HTRA1: variants seen among roughly 807,000 people sequenced by gnomAD.
HTRA1 encodes the protein HtrA serine peptidase 1.
A neutral mutation model predicts 49.7 loss-of-function variants in HTRA1; 26 were observed. That is an observed-to-expected ratio of 0.52 (90% confidence interval 0.38 to 0.73). HTRA1 has a LOEUF of 0.73. Ranked by LOEUF, HTRA1 falls within the 30% of genes least tolerant of loss-of-function variation. The pLI is 0.00. For missense variants in HTRA1, 561 were observed against 667.2 expected (o/e 0.84, Z 1.75); for synonymous variants, 291 against 286.9 (o/e 1.01, Z -0.14).
chr10:122,505,362 T>C (rs2250804), intron 3 of HTRA1, among the ~76,000 whole-genome samples: 42,722 of 152,112 alleles, frequency 0.28, 6,858 homozygotes, highest in Admixed American at 0.4. Flanking sequence ...CTTTCTCCCT[T>C]CGTGAGCTTT....
intron 3 of HTRA1, among the ~76,000 whole-genome samples, chr10:122,499,447 G>A (rs924448817): frequency 6.6e-6 from 1 of 152,240 alleles, no homozygotes; most frequent in Non-Finnish European, 1.5e-5. Context: ...CAAGGAGCCT[G>A]CATTTTTATT....
chr10:122,499,131 G>C (rs73369651), intron 3 of HTRA1, among the ~76,000 whole-genome samples: 1,789 of 152,226 alleles, frequency 0.012, 34 homozygotes, highest in African/African-American at 0.041. Context: ...TAATGCACCC[G>C]ACACAGAAGC....
At chr10:122,502,716 C>T (rs868444922) in intron 3 of HTRA1, among the ~76,000 whole-genome samples, 2 of 152,186 alleles carry the variant, frequency 1.3e-5, no homozygotes, top group Admixed American at 6.5e-5. Flanking sequence ...GAGAACTGGC[C>T]TGTGCTGGGC....
chr10:122,473,187 G>A (rs1487952822), intron 1 of HTRA1, among the ~76,000 whole-genome samples: 1 of 152,184 alleles, frequency 6.6e-6, no homozygotes, highest in Non-Finnish European at 1.5e-5. Context: ...CTGGGGAGGG[G>A]GTGAGTTGTG....
rs577667935 is a variant in HTRA1 at position 122,477,157 on chromosome 10, C to T, written c.473-11745C>T. Among the ~76,000 whole-genome samples, 22 of 151,946 alleles carry T rather than the reference C, an allele frequency of 1.4e-4. No individual in the cohort carries two copies. In the South Asian group the frequency reaches 4.2e-3, roughly 29 times the overall value. On this transcript the variant is annotated intron_variant, in intron 1 of 8. Transcript: ENST00000368984. ...TAATTTTTTGTATTTTTAGTAGAGA[C>T]TGGGTTTCACTGTGTTAGCCAGGAC...
chr10:122,511,732 CAAAAA>C (rs56119820), intron 7 of HTRA1, among the ~76,000 whole-genome samples: 1 of 133,886 alleles, frequency 7.5e-6, no homozygotes, highest in Non-Finnish European at 1.6e-5. Flanking sequence ...GACTCTGTCT[CAAAAA>C]AAAAAAAATA....
Position 122,461,708 on chromosome 10 carries a change from C to A in HTRA1, c.56C>A (p.Pro19His). Residue 19 changes from proline to histidine, a missense_variant, in exon 1 of 9, where the codon CCC becomes CAC. By Grantham distance (77) the Pro-to-His change is moderately conservative (BLOSUM62 -2). This residue lies in a region of HTRA1 where 111 missense variants were observed against 83.7 expected (regional missense o/e 1.33). Transcript: ENST00000368984. ...CTGCTGCTGCTGCTGCTGGCGGCGCCCGCCTCGGCGCAGCTGTCCCGGGCC... is the reference window on the plus strand; with the variant it reads ...CTGCTGCTGCTGCTGCTGGCGGCGCACGCCTCGGCGCAGCTGTCCCGGGCC... ...LPLLLLLLAA[P>H]ASAQLSRAGR... 7.7e-7 allele frequency: 1 copy of A among 1,300,090 alleles called. No individual in the cohort carries two copies. The highest frequency in any genetic ancestry group is 9.9e-7 in the Non-Finnish European group (1 of 1,008,376). 80.5% of individuals were successfully genotyped at this position (1,300,090 alleles called of 1,614,324 possible). A position where few individuals can be genotyped will look rare whatever the true frequency, so the allele number is the denominator to read the frequency against.
rs181568884 is a variant in HTRA1, at chr10:122,514,490, C to G, written c.*131C>G. The G allele has an allele frequency of 1.2e-4, 103 of 845,458 alleles. No homozygotes were observed. The highest frequency in any genetic ancestry group is 1.1e-3 in the African/African-American group (69 of 60,294). The allele number at this position is 845,458 out of a possible 1,614,324, so 52.4% of individuals were successfully genotyped here. A position where few individuals can be genotyped will look rare whatever the true frequency, so the allele number is the denominator to read the frequency against. On this transcript the variant is annotated 3_prime_UTR_variant, in exon 9 of 9. Transcript: ENST00000368984. ...ATTTTGTTTGTTCAGTGGAGACTCC[C>G]TGGCCAACAGAATCCTTCTTGATAG... is the stretch of plus-strand genomic sequence containing the variant.
chr10:122,491,190 CAG>C (rs2133439679), intron 3 of HTRA1, among the ~76,000 whole-genome samples: 1 of 152,328 alleles, frequency 6.6e-6, no homozygotes, highest in Non-Finnish European at 1.5e-5. Context: ...GAAGAAGAAA[CAG>C]GGGCTCAGAG....
chr10:122,476,267 T>C (rs2097488426), intron 1 of HTRA1, among the ~76,000 whole-genome samples: 2 of 152,242 alleles, frequency 1.3e-5, no homozygotes, highest in African/African-American at 2.4e-5. Context: ...GCTCCCGTTG[T>C]GCTTCTCATG....
chr10:122,512,351 C>T (rs773684376), intron 8 of HTRA1, among the ~76,000 whole-genome samples: 1 of 152,094 alleles, frequency 6.6e-6, no homozygotes, highest in Non-Finnish European at 1.5e-5. Flanking sequence ...TGAGATGGCC[C>T]GGCTGGCCAG....
chr10:122,472,127 TG>T (rs2097486373), intron 1 of HTRA1, among the ~76,000 whole-genome samples: 2 of 152,126 alleles, frequency 1.3e-5, no homozygotes, highest in Admixed American at 1.3e-4. Flanking sequence ...TCTTTTCAGC[TG>T]TGGTTAGATT....
At chr10:122,476,604 G>A (rs1357126568) in intron 1 of HTRA1, among the ~76,000 whole-genome samples, 1 of 152,312 alleles carries the variant, frequency 6.6e-6, no homozygotes, top group Admixed American at 6.5e-5. Context: ...GCGACTGGCC[G>A]TTTGCAGGCA....
chr10:122,484,308 G>T (rs185416416), intron 1 of HTRA1, among the ~76,000 whole-genome samples: 1 of 152,306 alleles, frequency 6.6e-6, no homozygotes, highest in East Asian at 1.9e-4. Context: ...TTCAGGCTAG[G>T]TTATCTGCTG....
chr10:122,479,548 A>T (rs558950424), intron 1 of HTRA1, among the ~76,000 whole-genome samples: 227 of 152,250 alleles, frequency 1.5e-3, no homozygotes, highest in African/African-American at 5.0e-3. Flanking sequence ...TATTATTCTT[A>T]TTGATAATAT....
chr10:122,473,251 T>TAACA (rs955439474), intron 1 of HTRA1, among the ~76,000 whole-genome samples: 12 of 152,126 alleles, frequency 7.9e-5, no homozygotes, highest in African/African-American at 2.7e-4. Context: ...CTTGTCCTTC[T>TAACA]AACACTCGTG....
In HTRA1 at chr10:122,461,769, C is replaced by G; in HGVS notation, c.117C>G (p.Asp39Glu). 1 of 1,057,232 alleles carries G rather than the reference C, an allele frequency of 9.5e-7. No individual in the cohort carries two copies. Among genetic ancestry groups the G allele is most frequent in the Non-Finnish European group, 1.1e-6 (1 of 877,644 alleles). The allele number at this position is 1,057,232 out of a possible 1,614,324, so 65.5% of individuals were successfully genotyped here. A position where few individuals can be genotyped will look rare whatever the true frequency, so the allele number is the denominator to read the frequency against. ...RSAPLAAGCP[D>E]RCEPARCPPQ... ...CGCCTTTGGCCGCCGGGTGCCCAGA[C>G]CGCTGCGAGCCGGCGCGCTGCCCGC... Residue 39 changes from aspartate (D) to glutamate (E), a missense_variant, in exon 1 of 9, where the codon GAC becomes GAG. Asp to Glu is a conservative substitution (Grantham distance 45). Around this residue, in one of 3 missense-constraint regions of HTRA1, gnomAD observed 111 missense variants for 83.7 expected, o/e 1.33. Coordinates refer to ENST00000368984, the MANE Select transcript of HTRA1 (RefSeq NM_002775.5).
chr10:122,496,206 C>T (rs923293766), intron 3 of HTRA1, among the ~76,000 whole-genome samples: 70 of 95,926 alleles, frequency 7.3e-4, no homozygotes, highest in African/African-American at 2.8e-3. Context: ...TTTGCCCTTT[C>T]GTTTGCCAGA....
intron 1 of HTRA1, among the ~76,000 whole-genome samples, chr10:122,479,810 C>T (rs2097490205): frequency 6.6e-6 from 1 of 151,782 alleles, no homozygotes; most frequent in East Asian, 2.0e-4. Flanking sequence ...CTGCGGGGAT[C>T]CTGCAGGAAG....
Sources: gnomAD v4.1 joint callset for allele counts (sites outside exome capture counted in the v4.1 genomes callset) on GRCh38, gnomAD v4.1.1 for gene constraint, gnomAD v4.1.1 regional missense constraint, MANE v1.5 for transcripts, NCBI Gene and HGNC (gene_info 2026-07-23, HGNC 2026-07-21) for gene names.